Variants in RANBP9 observed in about 807,000 individuals in gnomAD.
RANBP9 encodes the protein RAN binding protein 9, also known as ran-binding protein 9.
A neutral mutation model predicts 84.3 loss-of-function variants in RANBP9; 15 were observed. The observed-to-expected ratio is 0.18, with a 90% CI of 0.12 to 0.27. The LOEUF (loss-of-function observed/expected upper bound fraction) is 0.27, where lower values mean the gene tolerates loss of function less well. Among genes scored for constraint, RANBP9 ranks in the 10% least tolerant of loss-of-function variants. The pLI is 1.00. For synonymous variants in RANBP9, 392 were observed against 349.6 expected (o/e 1.12, Z -1.35); for missense variants, 809 against 912.8 (o/e 0.89, Z 1.46).
intron 2 of RANBP9, among the ~76,000 whole-genome samples, chr6:13,664,817 C>CA (rs1032034688): frequency 2.0e-5 from 3 of 152,062 alleles, no homozygotes; most frequent in Admixed American, 6.5e-5. Flanking sequence ...TAAAACATCC[C>CA]AAAAAAGCTT....
At chr6:13,642,207 A>G (rs1765081935) in intron 7 of RANBP9, among the ~76,000 whole-genome samples, 1 of 152,136 alleles carries the variant, frequency 6.6e-6, no homozygotes, top group African/African-American at 2.4e-5. Flanking sequence ...TTATTTCCTG[A>G]AAGCTTAAGA....
At chr6:13,659,882 G>A (rs1419956305) in intron 2 of RANBP9, among the ~76,000 whole-genome samples, 2 of 152,110 alleles carry the variant, frequency 1.3e-5, no homozygotes, top group Non-Finnish European at 2.9e-5. Flanking sequence ...TGTTTTAGGG[G>A]CTTTAGAAAG....
intron 1 of RANBP9, among the ~76,000 whole-genome samples, chr6:13,706,459 G>A (rs1045391731): frequency 9.2e-5 from 14 of 151,936 alleles, no homozygotes; most frequent in African/African-American, 3.1e-4. Flanking sequence ...CTTTGGGAGG[G>A]CGAGGCGGGC....
At chr6:13,686,229 C>CA (rs1300451501) in intron 2 of RANBP9, among the ~76,000 whole-genome samples, 2 of 150,694 alleles carry the variant, frequency 1.3e-5, no homozygotes, top group African/African-American at 4.9e-5. Context: ...CTCAGCCTCT[C>CA]ATATAGCTGG....
chr6:13,634,386 T>C (rs367721519), intron 11 of RANBP9, 45 bp downstream of exon 11: 1 of 1,596,852 alleles, frequency 6.3e-7, no homozygotes, highest in South Asian at 1.1e-5. Flanking sequence ...CATAACCTTG[T>C]AGCCATCATT....
At chr6:13,686,104 C>T (rs1319168523) in intron 2 of RANBP9, among the ~76,000 whole-genome samples, 43 of 2,628 alleles carry the variant, frequency 0.016, 7 homozygotes, top group Non-Finnish European at 0.025. Context: ...ATTTCTTCCC[C>T]CCCCCCCCCC....
At chr6:13,687,943 T>C (rs993094259) in intron 2 of RANBP9, among the ~76,000 whole-genome samples, 13 of 152,168 alleles carry the variant, frequency 8.5e-5, no homozygotes, top group East Asian at 3.8e-4. Context: ...CACAAAACTT[T>C]ATGCTGAGCT....
intron 10 of RANBP9, 58 bp downstream of exon 10, chr6:13,637,750 C>T (rs568034064): frequency 1.5e-5 from 21 of 1,411,724 alleles, no homozygotes; most frequent in South Asian, 9.3e-5. Context: ...ATTATTACAA[C>T]GATTACACCT....
chr6:13,705,350 G>A (rs979841764), intron 1 of RANBP9, among the ~76,000 whole-genome samples: 5 of 129,846 alleles, frequency 3.9e-5, no homozygotes, highest in African/African-American at 1.2e-4. Flanking sequence ...GTTGCAGTGA[G>A]CTGACAAAGT....
chr6:13,705,288 C>T (rs1340985938), intron 1 of RANBP9, among the ~76,000 whole-genome samples: 3 of 151,198 alleles, frequency 2.0e-5, no homozygotes, highest in South Asian at 2.1e-4. Flanking sequence ...CTTGTAATCC[C>T]GGCTACTTGG....
rs533814448 is a variant in RANBP9 at position 13,711,808 on chromosome 6, G to A, written c.-303C>T. On this transcript the variant is annotated 5_prime_UTR_variant, in exon 1 of 14. Coordinates refer to ENST00000011619, the MANE Select transcript of RANBP9 (RefSeq NM_005493.3). ...GGGAGGGGAAGGCGCGCTGGCGGCC[G>A]CCGCGGCCGCTGCTCTCGCGGCTGT... Among the ~76,000 whole-genome samples, 535 of 146,418 alleles carry A rather than the reference G, an allele frequency of 3.7e-3. 4 individuals are homozygous for A. Among genetic ancestry groups the A allele is most frequent in the African/African-American group, 0.012 (510 of 40,860 alleles).
At chr6:13,645,341 A>G (rs1257506841) in intron 5 of RANBP9, among the ~76,000 whole-genome samples, 1 of 152,156 alleles carries the variant, frequency 6.6e-6, no homozygotes, top group African/African-American at 2.4e-5. Context: ...AAATATATGT[A>G]TTTCAAGGGA....
At chr6:13,675,435 A>T (rs1765867171) in intron 2 of RANBP9, among the ~76,000 whole-genome samples, 1 of 152,188 alleles carries the variant, frequency 6.6e-6, no homozygotes, top group South Asian at 2.1e-4. Flanking sequence ...GAGAAATTTA[A>T]AACTATTTTC....
chr6:13,651,183 C>T (rs1166946548), intron 5 of RANBP9, among the ~76,000 whole-genome samples: 1 of 151,938 alleles, frequency 6.6e-6, no homozygotes, highest in African/African-American at 2.4e-5. Flanking sequence ...CATTATGTCA[C>T]AGTTTGTTAG....
chr6:13,657,069 C>A, intron 4 of RANBP9, 40 bp downstream of exon 4: 1 of 1,505,514 alleles, frequency 6.6e-7, no homozygotes, highest in Non-Finnish European at 9.1e-7. Flanking sequence ...TAATAATCTC[C>A]ATATTTGGTT....
At chr6:13,627,653 A>T (rs1584907709) in intron 12 of RANBP9, among the ~76,000 whole-genome samples, 1 of 151,680 alleles carries the variant, frequency 6.6e-6, no homozygotes, top group East Asian at 1.9e-4. Flanking sequence ...AAAAAAAAAA[A>T]ATCACGTTAT....
At chr6:13,653,242 A>G (rs1252842909) in intron 4 of RANBP9, among the ~76,000 whole-genome samples, 1 of 152,172 alleles carries the variant, frequency 6.6e-6, no homozygotes, top group African/African-American at 2.4e-5. Flanking sequence ...CCTCCTTCAA[A>G]GGATGAACGA....
chr6:13,684,909 C>T (rs530009395), intron 2 of RANBP9, among the ~76,000 whole-genome samples: 23 of 152,310 alleles, frequency 1.5e-4, no homozygotes, highest in African/African-American at 5.1e-4. Flanking sequence ...TTCCGCACAG[C>T]ATCCCACCTT....
Position 13,711,433 on chromosome 6 carries a change from C to A in RANBP9, c.73G>T (p.Ala25Ser). The change falls in exon 1 of 14, where the codon GCG (alanine) becomes TCG (serine). Residue 25 changes from alanine (A) to serine (S), a missense_variant. Ala to Ser is a moderately conservative substitution (Grantham distance 99). Transcript: ENST00000011619. ...ACTCCGGAGACTGGGGCCAAGGCCG[C>A]CGGCGGTGGCGGCGACAGCTGCTGC... The part of the protein sequence containing the change: ...QQQQLSPPPP[A>S]ALAPVSGVVL... 1 of 1,197,108 alleles carries A rather than the reference C, an allele frequency of 8.4e-7. No individual in the cohort carries two copies. The highest frequency in any genetic ancestry group is 1.0e-6 in the Non-Finnish European group (1 of 965,534). 74.2% of individuals were successfully genotyped at this position (1,197,108 alleles called of 1,614,324 possible).
Sources: gnomAD v4.1 joint callset for allele counts (sites outside exome capture counted in the v4.1 genomes callset) on GRCh38, gnomAD v4.1.1 for gene constraint, MANE v1.5 for transcripts, NCBI Gene and HGNC (gene_info 2026-07-23, HGNC 2026-07-21) for gene names.